ZNF544: variants seen among roughly 807,000 people sequenced by gnomAD.
The protein encoded by ZNF544 is zinc finger protein AF020591.
A neutral mutation model predicts 13.5 loss-of-function variants in ZNF544; 10 were observed. The ratio of observed to expected loss-of-function variants is 0.74; its 90% CI spans 0.46 to 1.25. ZNF544 has a LOEUF of 1.25. ZNF544 is among the 50% of genes most tolerant of loss of function. ZNF544 has a pLI of 0.00. For missense variants in ZNF544, 896 were observed against 845.6 expected (o/e 1.06, Z -0.74); for synonymous variants, 323 against 300.5 (o/e 1.07, Z -0.77).
chr19:58,239,085 G>C (rs2043020238), intron 3 of ZNF544, among the ~76,000 whole-genome samples: 1 of 152,100 alleles, frequency 6.6e-6, no homozygotes. Context: ...AACAGGGCTG[G>C]GTGCTCTGTG....
intron 5 of ZNF544, among the ~76,000 whole-genome samples, chr19:58,274,226 G>T (rs1325958667): frequency 6.6e-6 from 1 of 152,064 alleles, no homozygotes; most frequent in Non-Finnish European, 1.5e-5. Flanking sequence ...GTTGAGCTGT[G>T]TCTCTTCCCA....
chr19:58,263,590 CT>C lies in ZNF544; in HGVS notation c.*837del, dbSNP rs2049433809. ...GAATTGCCTGGAGTGTGCACTGAAA[CT>C]GTGTATTACCAAGCTCACTCTAGCC... On this transcript the variant is annotated 3_prime_UTR_variant, in exon 7 of 7. Transcript: ENST00000687789. 3.0e-6 allele frequency: 3 copies of C among 984,090 alleles called. No individual in the cohort carries two copies. Among genetic ancestry groups the C allele is most frequent in the Non-Finnish European group, 3.6e-6 (3 of 828,672 alleles). 61.0% of individuals were successfully genotyped at this position (984,090 alleles called of 1,614,324 possible). A position where few individuals can be genotyped will look rare whatever the true frequency, so the allele number is the denominator to read the frequency against.
intron 6 of ZNF544, chr19:58,277,133 A>T: frequency 1.7e-6 from 2 of 1,201,066 alleles, no homozygotes; most frequent in Non-Finnish European, 2.1e-6. Context: ...GTCCAAAACC[A>T]TGTCCTCTCA....
In ZNF544 at chr19:58,263,239, T is replaced by C. The variant is rs2049363112; in HGVS notation, c.*485T>C. ...AGTTTGCGAGGCCGAGGCAGGTGGA[T>C]CACTTGAGCCCAGGAGTTTGAAACC... On this transcript the variant is annotated 3_prime_UTR_variant, in exon 7 of 7. Coordinates refer to ENST00000687789, the MANE Select transcript of ZNF544 (RefSeq NM_014480.4). 3.1e-6 allele frequency: 3 copies of C among 974,766 alleles called. No individual in the cohort carries two copies. The highest frequency in any genetic ancestry group is 3.7e-6 in the Non-Finnish European group (3 of 819,190). The allele number at this position is 974,766 out of a possible 1,614,324, so 60.4% of individuals were successfully genotyped here.
chr19:58,238,689 TCTC>T lies in ZNF544; in HGVS notation c.-59-5269_-59-5267del, dbSNP rs1281808405. Reference sequence around the variant, plus strand: ...TCAGGAGCCTCCCGTTGTTGTCACTTCTCCTCCTCTGTCTCTGGTCCTCCCACC... The same window carrying T: ...TCAGGAGCCTCCCGTTGTTGTCACTTCTCCTCTGTCTCTGGTCCTCCCACC... On this transcript the variant is annotated intron_variant, in intron 3 of 6. Coordinates refer to ENST00000687789, the MANE Select transcript of ZNF544 (RefSeq NM_014480.4). 3.9e-5 allele frequency among the ~76,000 whole-genome samples: 6 copies of T among 152,020 alleles called. No homozygotes were observed. In the South Asian group the frequency reaches 1.0e-3, roughly 26 times the overall value.
intron 3 of ZNF544, among the ~76,000 whole-genome samples, chr19:58,241,180 T>TATATATATATATA (rs1491408473): frequency 3.0e-4 from 20 of 67,356 alleles, no homozygotes; most frequent in South Asian, 1.3e-3. Flanking sequence ...TATATATATA[T>TATATATATATATA]TTTTTTTTTT....
Position 58,261,491 on chromosome 19 carries a change from A to G in ZNF544, c.885A>G (p.Lys295=). 6.2e-7 allele frequency: 1 copy of G among 1,614,162 alleles called. No homozygotes were observed. The highest frequency in any genetic ancestry group is 1.3e-5 in the African/African-American group (1 of 75,022). Residue 295 remains lysine (K), a synonymous_variant, in exon 7 of 7, where the codon AAA becomes AAG. Transcript: ENST00000687789. ...AACAGAAGCCAGTGCATTTTGGGAAAAGTCAGTATGAGTGTGATGAGTGCA... is the reference window on the plus strand; with the variant it reads ...AACAGAAGCCAGTGCATTTTGGGAAGAGTCAGTATGAGTGTGATGAGTGCA... ...LNEQKPVHFG[K]SQYECDECRE...
chr19:58,245,298 G>T (rs577035129), intron 4 of ZNF544, among the ~76,000 whole-genome samples: 13 of 135,702 alleles, frequency 9.6e-5, no homozygotes, highest in South Asian at 9.5e-4. Context: ...TGTTTGTGGG[G>T]TTTTTTTTTT....
intron 6 of ZNF544, chr19:58,259,671 A>G (rs1256494012): frequency 6.6e-6 from 1 of 152,186 alleles, no homozygotes; most frequent in Non-Finnish European, 1.5e-5. Flanking sequence ...TCTGTGTTTC[A>G]AATCTCCCTC....
intron 6 of ZNF544, chr19:58,258,336 CCA>C (rs1379409134): frequency 1.3e-5 from 2 of 152,702 alleles, no homozygotes; most frequent in African/African-American, 4.8e-5. Flanking sequence ...CCCAGAGGAA[CCA>C]CAGAGTTGGG....
Position 58,263,158 on chromosome 19 carries a change from C to G in ZNF544, c.*404C>G. The G allele has an allele frequency of 1.0e-6, 1 of 1,000,876 alleles. No individual in the cohort carries two copies. The highest frequency in any genetic ancestry group is 1.2e-6 in the Non-Finnish European group (1 of 838,616). The allele number at this position is 1,000,876 out of a possible 1,614,324, so 62.0% of individuals were successfully genotyped here. A position where few individuals can be genotyped will look rare whatever the true frequency, so the allele number is the denominator to read the frequency against. On this transcript the variant is annotated 3_prime_UTR_variant, in exon 7 of 7. Coordinates refer to ENST00000687789, the MANE Select transcript of ZNF544 (RefSeq NM_014480.4). ...CATGAGAAAGCTCATGGGCAAGAAA[C>G]TCTATGAATAACCAAGATGGAGCCG...
At chr19:58,256,377 A>G (rs1353798225) in intron 6 of ZNF544, among the ~76,000 whole-genome samples, 6 of 152,060 alleles carry the variant, frequency 3.9e-5, no homozygotes, top group African/African-American at 1.4e-4. Flanking sequence ...GCCGGCGGCC[A>G]AAGAGACGGC....
chr19:58,273,734 G>A (rs939674903), intron 5 of ZNF544, among the ~76,000 whole-genome samples: 2 of 150,332 alleles, frequency 1.3e-5, no homozygotes, highest in African/African-American at 2.4e-5. Context: ...TGTGTCTCAC[G>A]TTTTTTGTCT....
intron 6 of ZNF544, chr19:58,276,552 C>T (rs1392290201): frequency 2.1e-6 from 1 of 480,904 alleles, no homozygotes; most frequent in African/African-American, 2.0e-5. Flanking sequence ...ATCGCAACCT[C>T]CGCCTCCCAG....
chr19:58,276,176 C>T (rs915048662), intron 5 of ZNF544: 1 of 402,494 alleles, frequency 2.5e-6, no homozygotes, highest in Non-Finnish European at 4.2e-6. Context: ...GACCCTGTCT[C>T]AAAAAACAAA....
At chr19:58,229,142 G>A (rs1322029564) in intron 1 of ZNF544, 196 bp downstream of exon 1, 1 of 152,364 alleles carries the variant, frequency 6.6e-6, no homozygotes. Flanking sequence ...CCGGCCTCAG[G>A]GACGGGGAAG....
intron 6 of ZNF544, 66 bp from the exon 7 acceptor site, chr19:58,260,785 C>G (rs532658132): frequency 5.2e-4 from 742 of 1,428,092 alleles, no homozygotes; most frequent in Middle Eastern, 2.5e-3. Flanking sequence ...TTGTCTCCTT[C>G]ATCTCCCCCT....
intron 6 of ZNF544, chr19:58,258,493 C>T (rs1360926740): frequency 1.1e-5 from 1 of 90,416 alleles, no homozygotes; most frequent in African/African-American, 5.8e-5. Context: ...GGTGCGAGGG[C>T]ACCAGGTGTG....
At chr19:58,276,912 T>C (rs1043066144) in intron 6 of ZNF544, among the ~76,000 whole-genome samples, 1 of 152,346 alleles carries the variant, frequency 6.6e-6, no homozygotes, top group South Asian at 2.1e-4. Context: ...TTTTGTAAGA[T>C]AGAGAAAAGG....
Sources: gnomAD v4.1 joint callset for allele counts (sites outside exome capture counted in the v4.1 genomes callset) on GRCh38, gnomAD v4.1.1 for gene constraint, MANE v1.5 for transcripts, NCBI Gene and HGNC (gene_info 2026-07-23, HGNC 2026-07-21) for gene names.